The following ESRRG variants were observed in gnomAD, a reference collection of about 807,000 sequenced individuals.
ESRRG encodes estrogen related receptor gamma.
ESRRG carries 13 observed loss-of-function variants against 44.0 expected under a neutral mutation model. That is an observed-to-expected ratio of 0.30 (90% CI 0.19 to 0.47). The LOEUF (loss-of-function observed/expected upper bound fraction) is 0.47, where lower values mean the gene tolerates loss of function less well. ESRRG is among the 20% of genes least tolerant of loss of function. The pLI is 1.00. For synonymous variants in ESRRG, 215 were observed against 214.6 expected (o/e 1.00, Z -0.02); for missense variants, 395 against 580.6 (o/e 0.68, Z 3.29).
At chr1:216,517,237 T>A (rs957894293) in intron 6 of ESRRG, among the ~76,000 whole-genome samples, 2 of 152,174 alleles carry the variant, frequency 1.3e-5, no homozygotes, top group African/African-American at 2.4e-5. Context: ...ACTAATTCTT[T>A]AAAGACTTTC....
At chr1:216,848,306 C>T (rs1246685416) in intron 2 of ESRRG, among the ~76,000 whole-genome samples, 2 of 151,966 alleles carry the variant, frequency 1.3e-5, no homozygotes, top group Non-Finnish European at 2.9e-5. Flanking sequence ...AGACTGAGCC[C>T]TACATGGACA....
At chr1:217,076,102 G>A (rs2091264602) in intron 1 of ESRRG, among the ~76,000 whole-genome samples, 1 of 152,172 alleles carries the variant, frequency 6.6e-6, no homozygotes, top group Admixed American at 6.5e-5. Context: ...CCATCTGTAT[G>A]TGGAAGGAAG....
At chr1:216,803,749 A>T (rs2094697203) in intron 2 of ESRRG, among the ~76,000 whole-genome samples, 1 of 151,804 alleles carries the variant, frequency 6.6e-6, no homozygotes, top group African/African-American at 2.4e-5. Context: ...CTATTTAAAA[A>T]CTATTCCTAC....
intron 2 of ESRRG, among the ~76,000 whole-genome samples, chr1:216,780,798 C>T (rs1158614471): frequency 6.6e-6 from 1 of 151,996 alleles, no homozygotes; most frequent in Non-Finnish European, 1.5e-5. Flanking sequence ...AGTTCCCAGA[C>T]CTGTGTGCAT....
intron 1 of ESRRG, among the ~76,000 whole-genome samples, chr1:217,026,584 T>C (rs969982923): frequency 3.1e-4 from 47 of 152,138 alleles, no homozygotes; most frequent in Non-Finnish European, 7.4e-5. Flanking sequence ...TGATAACACA[T>C]GTGGCTATCC....
intron 1 of ESRRG, among the ~76,000 whole-genome samples, chr1:216,718,921 T>A (rs1008964442): frequency 7.9e-5 from 12 of 151,976 alleles, no homozygotes; most frequent in African/African-American, 2.9e-4. Flanking sequence ...TGCTAAAAAG[T>A]TTATTTGATA....
intron 2 of ESRRG, among the ~76,000 whole-genome samples, chr1:216,873,889 A>AAGGGG (rs1476798632): frequency 1.8e-4 from 5 of 27,818 alleles, no homozygotes; most frequent in African/African-American, 1.2e-3. Context: ...GAGGGAAGGG[A>AAGGGG]AGGGAAGGGA....
chr1:217,032,067 G>T (rs2151030029), intron 1 of ESRRG, among the ~76,000 whole-genome samples: 1 of 152,166 alleles, frequency 6.6e-6, no homozygotes, highest in East Asian at 1.9e-4. Flanking sequence ...GGACTGTCCT[G>T]GGCAAACCAG....
intron 1 of ESRRG, among the ~76,000 whole-genome samples, chr1:217,133,966 C>T (rs548254276): frequency 6.6e-6 from 1 of 152,278 alleles, no homozygotes; most frequent in East Asian, 1.9e-4. Context: ...CGCATCTACC[C>T]ATATCCCCGA....
At chr1:217,011,094 T>C (rs901910319) in intron 1 of ESRRG, among the ~76,000 whole-genome samples, 2 of 152,184 alleles carry the variant, frequency 1.3e-5, no homozygotes, top group Non-Finnish European at 2.9e-5. Flanking sequence ...CATAGTACCA[T>C]ATGATCTGCT....
intron 1 of ESRRG, among the ~76,000 whole-genome samples, chr1:217,028,471 G>A (rs1005204834): frequency 1.3e-5 from 2 of 152,172 alleles, no homozygotes; most frequent in African/African-American, 4.8e-5. Context: ...AAGTTCAGAG[G>A]GGCCTGAGCT....
chr1:217,124,076 G>A (rs536411597), intron 1 of ESRRG, among the ~76,000 whole-genome samples: 6 of 152,254 alleles, frequency 3.9e-5, no homozygotes, highest in African/African-American at 1.4e-4. Flanking sequence ...ATGTTGGTTT[G>A]ATATAACAAT....
At chr1:216,509,667 A>G (rs1293594301) in intron 6 of ESRRG, among the ~76,000 whole-genome samples, 1 of 152,240 alleles carries the variant, frequency 6.6e-6, no homozygotes, top group South Asian at 2.1e-4. Context: ...GCTGTGATTT[A>G]GCATGAGAGA....
At chr1:216,557,362 G>C (rs1299629203) in intron 5 of ESRRG, among the ~76,000 whole-genome samples, 4 of 151,944 alleles carry the variant, frequency 2.6e-5, no homozygotes, top group East Asian at 1.9e-4. Flanking sequence ...AAATGACAAT[G>C]AACAACAGAA....
At chr1:216,538,292 G>T (rs4420152) in intron 5 of ESRRG, among the ~76,000 whole-genome samples, 30,041 of 151,840 alleles carry the variant, frequency 0.2, 3,795 homozygotes, top group Non-Finnish European at 0.27. Flanking sequence ...AACTTGGAAG[G>T]TCTCAAGGAC....
chr1:217,073,463 G>A (rs919028198), intron 1 of ESRRG, among the ~76,000 whole-genome samples: 2 of 152,114 alleles, frequency 1.3e-5, no homozygotes, highest in African/African-American at 4.8e-5. Context: ...TTTAATCAAT[G>A]AATCAACAAA....
At chr1:216,764,372 C>T (rs367813506) in intron 2 of ESRRG, among the ~76,000 whole-genome samples, 1 of 151,846 alleles carries the variant, frequency 6.6e-6, no homozygotes, top group African/African-American at 2.4e-5. Flanking sequence ...CAGGTTCAAG[C>T]GATTCTCCTG....
At chr1:216,876,114 T>A (rs2096348190) in intron 2 of ESRRG, among the ~76,000 whole-genome samples, 1 of 152,154 alleles carries the variant, frequency 6.6e-6, no homozygotes, top group Non-Finnish European at 1.5e-5. Context: ...AGCCTTAAAA[T>A]ATGAAATAAA....
At chr1:216,940,175 G>C (rs2064990120) in intron 1 of ESRRG, among the ~76,000 whole-genome samples, 2 of 152,154 alleles carry the variant, frequency 1.3e-5, no homozygotes, top group South Asian at 4.1e-4. Flanking sequence ...AGCGAGTAGA[G>C]AGGCTCAAGC....
Sources: gnomAD v4.1 joint callset for allele counts (sites outside exome capture counted in the v4.1 genomes callset) on GRCh38, gnomAD v4.1.1 for gene constraint, MANE v1.5 for transcripts, NCBI Gene and HGNC (gene_info 2026-07-23, HGNC 2026-07-21) for gene names.